KCTD10: variants seen among roughly 807,000 people sequenced by gnomAD.
The protein encoded by KCTD10 is potassium channel tetramerization domain containing 10, also known as BTB/POZ domain-containing adapter for CUL3-mediated RhoA degradation protein 3.
In KCTD10, 13 loss-of-function variants were observed where a neutral mutation model predicts 34.6. The observed-to-expected ratio is 0.38, with a 90% CI of 0.24 to 0.60. KCTD10 has a LOEUF of 0.60. KCTD10 is among the 20% of genes least tolerant of loss of function. KCTD10 has a pLI of 0.66. For missense variants in KCTD10, 256 were observed against 420.3 expected (o/e 0.61, Z 3.42); for synonymous variants, 156 against 168.8 (o/e 0.92, Z 0.59).
intron 2 of KCTD10, among the ~76,000 whole-genome samples, chr12:109,463,460 A>G (rs1873439081): frequency 6.6e-6 from 1 of 152,238 alleles, no homozygotes; most frequent in Non-Finnish European, 1.5e-5. Flanking sequence ...AAGTCAGCTC[A>G]AATGCCTAGC....
intron 1 of KCTD10, among the ~76,000 whole-genome samples, chr12:109,473,698 G>C (rs1042908713): frequency 2.0e-5 from 3 of 152,064 alleles, no homozygotes; most frequent in African/African-American, 7.2e-5. Context: ...AGTGAACTTA[G>C]GACACGAGGC....
chr12:109,454,758 G>A (rs1872938453), intron 6 of KCTD10, among the ~76,000 whole-genome samples: 2 of 152,108 alleles, frequency 1.3e-5, no homozygotes, highest in Admixed American at 6.5e-5. Flanking sequence ...GAGGCCCTTG[G>A]CTTCCCATCC....
intron 6 of KCTD10, among the ~76,000 whole-genome samples, chr12:109,455,121 AC>A (rs1249686689): frequency 6.6e-6 from 1 of 151,862 alleles, no homozygotes; most frequent in East Asian, 1.9e-4. Context: ...ATTCTGGTTC[AC>A]CCCCTGCCCC....
At position 109,450,157 on chromosome 12, in the gene KCTD10, G is replaced by T; in HGVS notation, c.*1438C>A. On this transcript the variant is annotated 3_prime_UTR_variant, in exon 7 of 7. Transcript: ENST00000228495. ...AATACCTTTGGTATAAAACGGTAAC[G>T]ATTCCCTTGACAAACCCATCCATCA... 2.5e-6 allele frequency: 1 copy of T among 398,068 alleles called. No individual in the cohort carries two copies. The highest frequency in any genetic ancestry group is 4.4e-6 in the Non-Finnish European group (1 of 225,928). The allele number at this position is 398,068 out of a possible 1,614,324, so 24.7% of individuals were successfully genotyped here. A position where few individuals can be genotyped will look rare whatever the true frequency, so the allele number is the denominator to read the frequency against.
At position 109,460,624 on chromosome 12, in the gene KCTD10, G is replaced by T; in HGVS notation, c.387+12C>A. 1 of 1,610,154 alleles carries T rather than the reference G, an allele frequency of 6.2e-7. No homozygotes were observed. Among genetic ancestry groups the T allele is most frequent in the Non-Finnish European group, 8.5e-7 (1 of 1,178,532 alleles). ...CCTCTCCACCCATATGGGAAGAAAG[G>T]GTGATGCCTACTTGTAGGGCCGCCT... On this transcript the variant is annotated intron_variant, in intron 3 of 6. Coordinates refer to ENST00000228495, the MANE Select transcript of KCTD10 (RefSeq NM_031954.5). The surrounding 1 kb of genome is among the most constrained non-coding windows in gnomAD (Gnocchi z 4.5).
intron 6 of KCTD10, among the ~76,000 whole-genome samples, chr12:109,453,789 G>C (rs1170818778): frequency 6.6e-6 from 1 of 152,214 alleles, no homozygotes; most frequent in Non-Finnish European, 1.5e-5. Context: ...AGAGGAGCTT[G>C]AGAAAGCAGC....
chr12:109,455,122 C>G (rs568556241), intron 6 of KCTD10, among the ~76,000 whole-genome samples: 1 of 151,918 alleles, frequency 6.6e-6, no homozygotes, highest in South Asian at 2.1e-4. Context: ...TTCTGGTTCA[C>G]CCCCTGCCCC....
intron 4 of KCTD10, 74 bp from the exon 5 acceptor site, chr12:109,457,756 G>C (rs988187326): frequency 2.7e-6 from 4 of 1,485,274 alleles, no homozygotes; most frequent in Non-Finnish European, 3.8e-6. Flanking sequence ...GCTTCCCATA[G>C]GGCTGGGGCC....
At position 109,460,345 on chromosome 12, in the gene KCTD10, G is replaced by A. The variant is rs1592839906; in HGVS notation, c.387+291C>T. ...AGCCCTAAGATTGGTCCCGAACACC[G>A]ACCAAGTTTCACACCGCGGGGTTCT... On this transcript the variant is annotated intron_variant, in intron 3 of 6. Coordinates refer to ENST00000228495, the MANE Select transcript of KCTD10 (RefSeq NM_031954.5). This position sits in a 1 kb window ranked among gnomAD's most constrained non-coding sequence, Gnocchi z 4.5. 8.6e-6 allele frequency: 3 copies of A among 350,186 alleles called. No homozygotes were observed. The highest frequency in any genetic ancestry group is 1.6e-5 in the Non-Finnish European group (3 of 187,992). 21.7% of individuals were successfully genotyped at this position (350,186 alleles called of 1,614,324 possible).
chr12:109,456,734 C>T (rs1013442086), intron 5 of KCTD10: 1 of 190,984 alleles, frequency 5.2e-6, no homozygotes, highest in Admixed American at 5.4e-5. Flanking sequence ...TGATTAAATC[C>T]TCCCTGCATC....
At chr12:109,476,517 T>C (rs1440208859) in intron 1 of KCTD10, among the ~76,000 whole-genome samples, 2 of 152,152 alleles carry the variant, frequency 1.3e-5, no homozygotes, top group African/African-American at 4.8e-5. Flanking sequence ...AGACAGATCT[T>C]GAAACATCCT....
chr12:109,463,084 A>G (rs1873418406), intron 2 of KCTD10, among the ~76,000 whole-genome samples: 1 of 152,190 alleles, frequency 6.6e-6, no homozygotes, highest in African/African-American at 2.4e-5. Flanking sequence ...ACAAAGAAAA[A>G]GTAAGGCACT....
chr12:109,468,142 A>C (rs974905949), intron 2 of KCTD10, among the ~76,000 whole-genome samples: 1 of 152,156 alleles, frequency 6.6e-6, no homozygotes, highest in African/African-American at 2.4e-5. Context: ...TAAAAAGCTA[A>C]GTGTGAGATG....
Position 109,449,312 on chromosome 12 carries a change from A to C in KCTD10, c.*2283T>G, listed in dbSNP as rs1453844055. On this transcript the variant is annotated 3_prime_UTR_variant, in exon 7 of 7. Transcript: ENST00000228495. ...AACCTGTTCATATTCCAGAGAGACA[A>C]AGACTCAAAACTACAAGTGCAAAGT... 6.6e-6 allele frequency: 1 copy of C among 152,252 alleles called. No individual in the cohort carries two copies. The highest frequency in any genetic ancestry group is 1.5e-5 in the Non-Finnish European group (1 of 68,040). The allele number at this position is 152,252 out of a possible 1,614,324, so 9.4% of individuals were successfully genotyped here. A position where few individuals can be genotyped will look rare whatever the true frequency, so the allele number is the denominator to read the frequency against.
intron 6 of KCTD10, 80 bp downstream of exon 6, chr12:109,456,038 T>G: frequency 1.5e-6 from 2 of 1,312,278 alleles, no homozygotes; most frequent in Non-Finnish European, 2.2e-6. Flanking sequence ...TTTCCCTCTG[T>G]ATTGGGCTCA....
intron 2 of KCTD10, among the ~76,000 whole-genome samples, chr12:109,466,134 C>T (rs1873572707): frequency 6.6e-6 from 1 of 152,150 alleles, no homozygotes; most frequent in African/African-American, 2.4e-5. Flanking sequence ...GTGTCCTTGT[C>T]TTCTCAGAAA....
Position 109,450,528 on chromosome 12 carries a change from G to A in KCTD10, c.*1067C>T, listed in dbSNP as rs1236164414. On this transcript the variant is annotated 3_prime_UTR_variant, in exon 7 of 7. Transcript: ENST00000228495. Reference sequence around the variant, plus strand: ...TAAAAATCAGAGGCAAAGACAAGGGGGTCTGTGTTTATAGCAGGGAAGCTC... The same window carrying A: ...TAAAAATCAGAGGCAAAGACAAGGGAGTCTGTGTTTATAGCAGGGAAGCTC... The A allele has an allele frequency of 5.0e-6, 2 of 396,876 alleles. No individual in the cohort carries two copies. Among genetic ancestry groups the A allele is most frequent in the African/African-American group, 2.1e-5 (1 of 48,564 alleles). The allele number at this position is 396,876 out of a possible 1,614,324, so 24.6% of individuals were successfully genotyped here. A position where few individuals can be genotyped will look rare whatever the true frequency, so the allele number is the denominator to read the frequency against.
At position 109,460,815 on chromosome 12, in the gene KCTD10, G is replaced by A. The variant is rs753123537; in HGVS notation, c.218-10C>T. On this transcript the variant is annotated splice_polypyrimidine_tract_variant and intron_variant, in intron 2 of 6. Coordinates refer to ENST00000228495, the MANE Select transcript of KCTD10 (RefSeq NM_031954.5). This position sits in a 1 kb window ranked among gnomAD's most constrained non-coding sequence, Gnocchi z 4.5. The stretch of plus-strand genomic sequence containing the variant: ...TCAATGAGGATCCAGCCTGCAGAGG[G>A]AGGAGGCAGGGGCTGGTTACATGGG... 1 of 1,613,342 alleles carries A rather than the reference G, an allele frequency of 6.2e-7. No homozygotes were observed. The highest frequency in any genetic ancestry group is 1.7e-5 in the Admixed American group (1 of 59,980).
rs772978237 is a variant in KCTD10 at position 109,451,704 on chromosome 12, G to A, written c.833C>T (p.Ala278Val). 4.3e-5 allele frequency: 69 copies of A among 1,613,792 alleles called. No individual in the cohort carries two copies. The highest frequency in any genetic ancestry group is 5.8e-5 in the Non-Finnish European group (69 of 1,179,952). ...GTCCAGGTGGTGGGAGCGCCCCGCC[G>A]CCCCGCCTGTGGCCTCCAGGAGCGC... ...DNALLEATGG[A>V]AGRSHHLDED... Residue 278 changes from alanine (A) to valine (V), a missense_variant, in exon 7 of 7, where the codon GCG becomes GTG. Ala to Val is a moderately conservative substitution (Grantham distance 64, BLOSUM62 0). Coordinates refer to ENST00000228495, the MANE Select transcript of KCTD10 (RefSeq NM_031954.5). The surrounding 1 kb of genome is among the most constrained non-coding windows in gnomAD (Gnocchi z 5.0).
Sources: allele counts gnomAD v4.1 joint callset (sites outside exome capture counted in the v4.1 genomes callset), GRCh38; gene constraint gnomAD v4.1.1; non-coding constraint Gnocchi (gnomAD v3.1); transcripts MANE v1.5; gene names NCBI Gene and HGNC (gene_info 2026-07-23, HGNC 2026-07-21).